Variants in TTYH1 observed in about 807,000 individuals in gnomAD.
TTYH1 encodes the protein protein tweety homolog 1.
Under a neutral mutation model 61.2 loss-of-function variants are expected in TTYH1, and 33 were observed. The observed-to-expected ratio is 0.54, with a 90% CI of 0.41 to 0.72. The LOEUF (loss-of-function observed/expected upper bound fraction) is 0.72. Among genes scored for constraint, TTYH1 ranks in the 30% least tolerant of loss-of-function variants. The pLI is 0.00. For synonymous variants in TTYH1, 308 were observed against 266.4 expected, an observed-to-expected ratio of 1.16 and a Z score of -1.52; for missense variants, 538 against 575.8, an observed-to-expected ratio of 0.93 and a Z score of 0.67.
chr19:54,433,906 T>C (rs1401920138), intron 10 of TTYH1, among the ~76,000 whole-genome samples: 3 of 152,040 alleles, frequency 2.0e-5, no homozygotes, highest in African/African-American at 7.2e-5. Flanking sequence ...AGGGTCAGTG[T>C]CTGCCTGGCA....
At chr19:54,417,827 C>T (rs1211491455) in intron 1 of TTYH1, among the ~76,000 whole-genome samples, 1 of 152,046 alleles carries the variant, frequency 6.6e-6, no homozygotes, top group Non-Finnish European at 1.5e-5. Flanking sequence ...CACACACAAC[C>T]GGACCCACTC....
Position 54,419,688 on chromosome 19 carries a change from G to A in TTYH1, c.305+382G>A, listed in dbSNP as rs770916672. 2.1e-5 allele frequency: 10 copies of A among 475,798 alleles called. No individual in the cohort carries two copies. The highest frequency in any genetic ancestry group is 3.9e-5 in the African/African-American group (2 of 51,886). The allele number at this position is 475,798 out of a possible 1,614,324, so 29.5% of individuals were successfully genotyped here. On this transcript the variant is annotated intron_variant, in intron 2 of 13. Transcript: ENST00000376530. The surrounding 1 kb of genome is among the most constrained non-coding windows in gnomAD (Gnocchi z 6.1). Reference sequence around the variant, plus strand: ...ATTATCATCTCGCCCACCTCCTGCGGGGGTAAGATGGAGAGAAAGCACAGT... The same window carrying A: ...ATTATCATCTCGCCCACCTCCTGCGAGGGTAAGATGGAGAGAAAGCACAGT...
At chr19:54,428,336 G>A (rs2083371291) in intron 5 of TTYH1, among the ~76,000 whole-genome samples, 2 of 151,750 alleles carry the variant, frequency 1.3e-5, no homozygotes, top group Non-Finnish European at 1.5e-5. Flanking sequence ...TGATCCGCCC[G>A]CCTCAGCCTC....
chr19:54,435,696 G>C lies in TTYH1; in HGVS notation c.1268+12G>C, dbSNP rs758834876. On this transcript the variant is annotated intron_variant, in intron 11 of 13. Coordinates refer to ENST00000376530, the MANE Select transcript of TTYH1 (RefSeq NM_020659.4). Reference sequence around the variant, plus strand: ...CTCTTCCCACCCAGGTCAGGAGCGGGGGAGGGTAGGGTCCTGGGGAGGGAA... The same window carrying C: ...CTCTTCCCACCCAGGTCAGGAGCGGCGGAGGGTAGGGTCCTGGGGAGGGAA... 5 of 1,608,418 alleles carry C rather than the reference G, an allele frequency of 3.1e-6. No individual in the cohort carries two copies. The highest frequency in any genetic ancestry group is 1.1e-5 in the South Asian group (1 of 90,716).
rs536051186 is a variant in TTYH1, at chr19:54,420,952, C to G, written c.306-325C>G. 2.4e-6 allele frequency: 1 copy of G among 424,480 alleles called. No homozygotes were observed. Among genetic ancestry groups the G allele is most frequent in the East Asian group, 4.7e-5 (1 of 21,368 alleles). 26.3% of individuals were successfully genotyped at this position (424,480 alleles called of 1,614,324 possible). A position where few individuals can be genotyped will look rare whatever the true frequency, so the allele number is the denominator to read the frequency against. On this transcript the variant is annotated intron_variant, in intron 2 of 13. Coordinates refer to ENST00000376530, the MANE Select transcript of TTYH1 (RefSeq NM_020659.4). The surrounding 1 kb of genome is among the most constrained non-coding windows in gnomAD (Gnocchi z 4.8). ...GCAGGCAGTCCTAGGGAGGGGAAGA[C>G]GGCCCATCCCGGAGCTGGGTGTGAC... is the stretch of plus-strand genomic sequence containing the variant.
At position 54,419,380 on chromosome 19, in the gene TTYH1, T is replaced by A; in HGVS notation, c.305+74T>A. The stretch of plus-strand genomic sequence containing the variant: ...CTCTTTGCTGGCCTTCCTGGGGGTG[T>A]CCTCCGGGGACATGGAGGAAGCAGA... On this transcript the variant is annotated intron_variant, in intron 2 of 13. Transcript: ENST00000376530. This position sits in a 1 kb window ranked among gnomAD's most constrained non-coding sequence, Gnocchi z 6.1. 2 of 1,451,396 alleles carry A rather than the reference T, an allele frequency of 1.4e-6. No individual in the cohort carries two copies. Among genetic ancestry groups the A allele is most frequent in the Non-Finnish European group, 1.9e-6 (2 of 1,066,098 alleles). 89.9% of individuals were successfully genotyped at this position (1,451,396 alleles called of 1,614,324 possible). A position where few individuals can be genotyped will look rare whatever the true frequency, so the allele number is the denominator to read the frequency against.
chr19:54,421,418 G>T lies in TTYH1; in HGVS notation c.417+30G>T. 6.8e-7 allele frequency: 1 copy of T among 1,467,392 alleles called. No homozygotes were observed. The highest frequency in any genetic ancestry group is 9.6e-7 in the Non-Finnish European group (1 of 1,046,384). The allele number at this position is 1,467,392 out of a possible 1,614,324, so 90.9% of individuals were successfully genotyped here. Reference sequence around the variant, plus strand: ...GGGGCCAGCAACCAGTGGGACCCCAGACCCACACCTGGACGGGCTCCCCAC... The same window carrying T: ...GGGGCCAGCAACCAGTGGGACCCCATACCCACACCTGGACGGGCTCCCCAC... On this transcript the variant is annotated intron_variant, in intron 3 of 13. Coordinates refer to ENST00000376530, the MANE Select transcript of TTYH1 (RefSeq NM_020659.4). The surrounding 1 kb of genome is among the most constrained non-coding windows in gnomAD (Gnocchi z 4.8).
Position 54,436,260 on chromosome 19 carries a change from C to G in TTYH1, c.*43-73C>G. On this transcript the variant is annotated intron_variant, in intron 13 of 13. Coordinates refer to ENST00000376530, the MANE Select transcript of TTYH1 (RefSeq NM_020659.4). This position sits in a 1 kb window ranked among gnomAD's most constrained non-coding sequence, Gnocchi z 4.3. ...GCTGCTCCAGGCATGGGCTGCGTGC[C>G]TCCTGCTGGGTGGATCGCACCGGGC... 6.2e-7 allele frequency: 1 copy of G among 1,610,232 alleles called. No homozygotes were observed.
chr19:54,426,886 G>C, intron 5 of TTYH1, 118 bp downstream of exon 5: 1 of 866,482 alleles, frequency 1.2e-6, no homozygotes, highest in South Asian at 1.6e-5. Flanking sequence ...GGGTACACAC[G>C]AAGAAAAGAG....
intron 1 of TTYH1, among the ~76,000 whole-genome samples, chr19:54,417,260 G>A (rs369161754): frequency 6.8e-6 from 1 of 146,616 alleles, no homozygotes; most frequent in Admixed American, 6.8e-5. Context: ...ATATGCACAG[G>A]CACACTCAGA....
chr19:54,435,641 G>C lies in TTYH1; in HGVS notation c.1225G>C (p.Ala409Pro). Residue 409 changes from alanine (A) to proline (P), a missense_variant, in exon 11 of 14, where the codon GCC (alanine) becomes CCC (proline). This residue lies in a region of TTYH1 where 378 missense variants were observed against 401.2 expected (regional missense o/e 0.94). Transcript: ENST00000376530. ...SLLSAGALAT[A>P]LCSLPRAWAL... Reference sequence around the variant, plus strand: ...GCTGTCTGCAGGAGCGCTGGCCACTGCCCTCTGCAGCCTGCCCCGAGCCTG... The same window carrying C: ...GCTGTCTGCAGGAGCGCTGGCCACTCCCCTCTGCAGCCTGCCCCGAGCCTG... 6.2e-7 allele frequency: 1 copy of C among 1,611,682 alleles called. No individual in the cohort carries two copies. The highest frequency in any genetic ancestry group is 8.5e-7 in the Non-Finnish European group (1 of 1,179,368).
At chr19:54,430,986 G>T in intron 9 of TTYH1, 81 bp downstream of exon 9, 2 of 1,549,734 alleles carry the variant, frequency 1.3e-6, no homozygotes, top group South Asian at 2.2e-5. Context: ...GGGCGTAGGC[G>T]GGGCTGCAGA....
chr19:54,424,309 C>T (rs77054424), intron 4 of TTYH1, among the ~76,000 whole-genome samples: 33,531 of 152,186 alleles, frequency 0.22, 4,182 homozygotes, highest in Non-Finnish European at 0.29. Flanking sequence ...GCCACCATGA[C>T]GGTGTCCTCA....
At chr19:54,431,029 G>C (rs898323357) in intron 9 of TTYH1, 70 bp from the exon 10 acceptor site, 1 of 1,483,764 alleles carries the variant, frequency 6.7e-7, no homozygotes, top group East Asian at 2.3e-5. Flanking sequence ...GGGCGGGGAC[G>C]CAGGGCGGGG....
Position 54,426,788 on chromosome 19 carries a change from G to T in TTYH1, c.734+20G>T. 6.2e-7 allele frequency: 1 copy of T among 1,605,618 alleles called. No homozygotes were observed. Among genetic ancestry groups the T allele is most frequent in the Middle Eastern group, 1.7e-4 (1 of 6,044 alleles). On this transcript the variant is annotated intron_variant, in intron 5 of 13. Transcript: ENST00000376530. ...GATCGTGTAAGTGCAGGCAGTAGGGGGACCCAGTGCTTGCCTGGCACTCTC... is the reference window on the plus strand; with the variant it reads ...GATCGTGTAAGTGCAGGCAGTAGGGTGACCCAGTGCTTGCCTGGCACTCTC...
rs770183567 is a variant in TTYH1, at chr19:54,415,698, CCTGGGGGCCAGGG to C, written c.126+30_126+42del. On this transcript the variant is annotated intron_variant, in intron 1 of 13. Transcript: ENST00000376530. The surrounding 1 kb of genome is among the most constrained non-coding windows in gnomAD (Gnocchi z 5.2). ...CAGCAGGTGGGACCGGGCGCCAGGG[CCTGGGGGCCAGGG>C]CTGGGGGCCGGAGCTCCTGGGTCCC... The C allele has an allele frequency of 7.2e-6, 11 of 1,532,004 alleles. No individual in the cohort carries two copies. Among genetic ancestry groups the C allele is most frequent in the Non-Finnish European group, 9.6e-6 (11 of 1,145,330 alleles). 94.9% of individuals were successfully genotyped at this position (1,532,004 alleles called of 1,614,324 possible).
Position 54,419,126 on chromosome 19 carries a change from A to G in TTYH1, c.127-2A>G. ...GAGGTCTGATGTCACCCCCTTCCCC[A>G]GGCCTTGTTGCTGGTGGCGGCCTTG... On this transcript the variant is annotated splice_acceptor_variant, in intron 1 of 13. Transcript: ENST00000376530. LOFTEE classifies it high-confidence loss of function. This position sits in a 1 kb window ranked among gnomAD's most constrained non-coding sequence, Gnocchi z 6.1. The G allele has an allele frequency of 6.2e-7, 1 of 1,609,994 alleles. No homozygotes were observed. Among genetic ancestry groups the G allele is most frequent in the Non-Finnish European group, 8.5e-7 (1 of 1,177,774 alleles).
In TTYH1 at chr19:54,415,808, G is replaced by A. The variant is rs996509734; in HGVS notation, c.126+130G>A. Reference sequence around the variant, plus strand: ...GCTGGGGGCCGGCCCGGACTTTGGGGTTTCGGAGGGAGGAGGAGCCTGGGG... The same window carrying A: ...GCTGGGGGCCGGCCCGGACTTTGGGATTTCGGAGGGAGGAGGAGCCTGGGG... On this transcript the variant is annotated intron_variant, in intron 1 of 13. Transcript: ENST00000376530. The surrounding 1 kb of genome is among the most constrained non-coding windows in gnomAD (Gnocchi z 5.2). 5 of 1,128,958 alleles carry A rather than the reference G, an allele frequency of 4.4e-6. No individual in the cohort carries two copies. Among genetic ancestry groups the A allele is most frequent in the Non-Finnish European group, 6.0e-6 (5 of 830,322 alleles). The allele number at this position is 1,128,958 out of a possible 1,614,324, so 69.9% of individuals were successfully genotyped here.
chr19:54,421,172 G>T lies in TTYH1; in HGVS notation c.306-105G>T. The T allele has an allele frequency of 4.1e-6, 3 of 723,864 alleles. No homozygotes were observed. Among genetic ancestry groups the T allele is most frequent in the Non-Finnish European group, 7.3e-6 (3 of 409,894 alleles). 44.8% of individuals were successfully genotyped at this position (723,864 alleles called of 1,614,324 possible). A position where few individuals can be genotyped will look rare whatever the true frequency, so the allele number is the denominator to read the frequency against. ...GCCCAATGAGGTGGGGCTGAGATGGGAGGGGTGGATAAGAAGGCGAGGTGG... is the reference window on the plus strand; with the variant it reads ...GCCCAATGAGGTGGGGCTGAGATGGTAGGGGTGGATAAGAAGGCGAGGTGG... On this transcript the variant is annotated intron_variant, in intron 2 of 13. Coordinates refer to ENST00000376530, the MANE Select transcript of TTYH1 (RefSeq NM_020659.4). This position sits in a 1 kb window ranked among gnomAD's most constrained non-coding sequence, Gnocchi z 4.8.
Sources: allele counts gnomAD v4.1 joint callset (sites outside exome capture counted in the v4.1 genomes callset), GRCh38; gene constraint gnomAD v4.1.1; regional missense constraint gnomAD v4.1.1; non-coding constraint Gnocchi (gnomAD v3.1); transcripts MANE v1.5; gene names NCBI Gene and HGNC (gene_info 2026-07-23, HGNC 2026-07-21).